The following MRPS28 variants were observed in gnomAD, a reference collection of about 807,000 sequenced individuals.
MRPS28 encodes the protein mitochondrial ribosomal protein S28.
In MRPS28, 7 loss-of-function variants were observed where a neutral mutation model predicts 10.8. That is an observed-to-expected ratio of 0.65 (90% CI 0.37 to 1.22). The LOEUF (loss-of-function observed/expected upper bound fraction) is 1.22, where lower values mean the gene tolerates loss of function less well. MRPS28 is among the 50% of genes most tolerant of loss of function. MRPS28 has a pLI of 0.02. For missense variants in MRPS28, 265 were observed against 232.9 expected, an observed-to-expected ratio of 1.14 and a Z score of -0.90; for synonymous variants, 121 against 93.3, an observed-to-expected ratio of 1.30 and a Z score of -1.71.
At chr8:80,001,587 A>G (rs1167645035) in intron 2 of MRPS28, among the ~76,000 whole-genome samples, 3 of 152,266 alleles carry the variant, frequency 2.0e-5, no homozygotes, top group Non-Finnish European at 4.4e-5. Context: ...AGCCGTTTAC[A>G]TAACAGATAC....
chr8:80,001,826 T>A (rs1242865131), intron 2 of MRPS28, among the ~76,000 whole-genome samples: 3 of 152,234 alleles, frequency 2.0e-5, no homozygotes, highest in African/African-American at 7.2e-5. Flanking sequence ...AGAGGTGTGC[T>A]GCAGCCAGCT....
At chr8:79,956,876 T>C (rs956324084) in intron 2 of MRPS28, 2 of 152,190 alleles carry the variant, frequency 1.3e-5, no homozygotes, top group African/African-American at 4.8e-5. Flanking sequence ...TGGGTGACTA[T>C]ATATTAATGA....
intron 2 of MRPS28, among the ~76,000 whole-genome samples, chr8:79,929,276 C>G (rs896971627): frequency 6.6e-6 from 1 of 152,132 alleles, no homozygotes; most frequent in Non-Finnish European, 1.5e-5. Context: ...CCCCAATAAG[C>G]TAATGTAATT....
In MRPS28 at chr8:79,959,189, T is replaced by C. The variant is rs746230213; in HGVS notation, c.396-40041A>G. On this transcript the variant is annotated intron_variant, in intron 2 of 2. Transcript: ENST00000276585. ...TTCTATTGCTAACCGACTTTAATAATAGCAGTAAATCAGCTCCAAAATACT... is the reference window on the plus strand; with the variant it reads ...TTCTATTGCTAACCGACTTTAATAACAGCAGTAAATCAGCTCCAAAATACT... Among the ~76,000 whole-genome samples the C allele has an allele frequency of 3.9e-5, 6 of 152,126 alleles. No individual in the cohort carries two copies. In the South Asian group the frequency reaches 1.0e-3, roughly 26 times the overall value.
At chr8:79,962,907 C>G (rs1347402636) in intron 2 of MRPS28, among the ~76,000 whole-genome samples, 1 of 152,080 alleles carries the variant, frequency 6.6e-6, no homozygotes, top group Non-Finnish European at 1.5e-5. Context: ...GAAGGATAGG[C>G]CTTATTAACA....
intron 2 of MRPS28, among the ~76,000 whole-genome samples, chr8:79,974,690 T>C (rs767988572): frequency 1.3e-5 from 2 of 152,046 alleles, no homozygotes; most frequent in Non-Finnish European, 2.9e-5. Context: ...GCCCAATAAA[T>C]TATGATGTGC....
intron 1 of MRPS28, among the ~76,000 whole-genome samples, chr8:80,008,607 G>T (rs1196297722): frequency 6.6e-6 from 1 of 152,174 alleles, no homozygotes; most frequent in African/African-American, 2.4e-5. Context: ...TCAAAAAGTG[G>T]GTGAAGGATA....
chr8:80,024,946 A>G (rs114535505), intron 1 of MRPS28, among the ~76,000 whole-genome samples: 2,653 of 152,314 alleles, frequency 0.017, 74 homozygotes, highest in African/African-American at 0.058. Flanking sequence ...GAGATCACAA[A>G]GGTCTAAGAG....
Position 79,919,158 on chromosome 8 carries a change from T to TAAA in MRPS28, c.396-13_396-11dup. 3 of 1,237,452 alleles carry TAAA rather than the reference T, an allele frequency of 2.4e-6. No individual in the cohort carries two copies. The highest frequency in any genetic ancestry group is 5.3e-5 in the Admixed American group (2 of 38,048). The allele number at this position is 1,237,452 out of a possible 1,614,324, so 76.7% of individuals were successfully genotyped here. On this transcript the variant is annotated splice_polypyrimidine_tract_variant and intron_variant, in intron 2 of 2. Transcript: ENST00000276585. ...TCCTTTCTGGTATTTCCTAAATAGT[T>TAAA]AAAAAAAAAAAAATCCATTAATTCT...
At chr8:80,008,422 T>C (rs1028427793) in intron 1 of MRPS28, among the ~76,000 whole-genome samples, 2 of 152,054 alleles carry the variant, frequency 1.3e-5, no homozygotes, top group African/African-American at 2.4e-5. Context: ...AATTGACAAA[T>C]GGGATCTAAT....
intron 2 of MRPS28, among the ~76,000 whole-genome samples, chr8:79,925,303 G>T (rs1810203226): frequency 6.6e-6 from 1 of 150,870 alleles, no homozygotes; most frequent in Non-Finnish European, 1.5e-5. Context: ...CTACCATGAG[G>T]CCAAATAATA....
At chr8:79,934,043 G>C (rs758777993) in intron 2 of MRPS28, among the ~76,000 whole-genome samples, 2 of 152,078 alleles carry the variant, frequency 1.3e-5, no homozygotes, top group African/African-American at 2.4e-5. Context: ...CTAGAAACTA[G>C]GTTTTTCCAT....
At chr8:79,973,463 G>A (rs1411793965) in intron 2 of MRPS28, among the ~76,000 whole-genome samples, 1 of 151,778 alleles carries the variant, frequency 6.6e-6, no homozygotes, top group Non-Finnish European at 1.5e-5. Context: ...GCACAGCCTG[G>A]GCAACATATG....
At chr8:79,982,653 C>T (rs148759318) in intron 2 of MRPS28, among the ~76,000 whole-genome samples, 13,412 of 152,190 alleles carry the variant, frequency 0.088, 1,965 homozygotes, top group African/African-American at 0.3. Flanking sequence ...CACGGAGTCT[C>T]GCTGATTGCT....
intron 2 of MRPS28, among the ~76,000 whole-genome samples, chr8:79,949,203 C>T (rs1807012736): frequency 6.6e-6 from 1 of 152,120 alleles, no homozygotes; most frequent in Non-Finnish European, 1.5e-5. Flanking sequence ...ATCACAAGGT[C>T]AGGAGCTCAA....
At chr8:80,011,757 AC>A (rs1465877173) in intron 1 of MRPS28, among the ~76,000 whole-genome samples, 7 of 152,020 alleles carry the variant, frequency 4.6e-5, no homozygotes, top group African/African-American at 1.7e-4. Flanking sequence ...TCAAAAAAAA[AC>A]AACAAAAAAC....
At chr8:79,922,551 A>C (rs1466784984) in intron 2 of MRPS28, among the ~76,000 whole-genome samples, 3 of 152,204 alleles carry the variant, frequency 2.0e-5, no homozygotes, top group Admixed American at 6.6e-5. Flanking sequence ...CAATGTATAC[A>C]TACCTCAAAA....
At chr8:80,006,536 A>G (rs933301586) in intron 1 of MRPS28, among the ~76,000 whole-genome samples, 2 of 152,224 alleles carry the variant, frequency 1.3e-5, no homozygotes, top group Non-Finnish European at 2.9e-5. Flanking sequence ...AGGCTAATAA[A>G]GAAGAAAAGA....
intron 2 of MRPS28, among the ~76,000 whole-genome samples, chr8:79,947,673 C>T (rs1387484615): frequency 1.6e-5 from 2 of 121,502 alleles, no homozygotes; most frequent in Non-Finnish European, 3.2e-5. Flanking sequence ...CTCGCTCTGT[C>T]GCCCAGGCTG....
Sources: gnomAD v4.1 joint callset for allele counts (sites outside exome capture counted in the v4.1 genomes callset) on GRCh38, gnomAD v4.1.1 for gene constraint, MANE v1.5 for transcripts, NCBI Gene and HGNC (gene_info 2026-07-23, HGNC 2026-07-21) for gene names.